RPTOR: variants seen among roughly 807,000 people sequenced by gnomAD.
The protein encoded by RPTOR is regulatory associated protein of MTOR complex 1.
RPTOR carries 21 observed loss-of-function variants against 169.9 expected under a neutral mutation model. The observed-to-expected ratio is 0.12, with a 90% CI of 0.09 to 0.18. The LOEUF is 0.18. Ranked by LOEUF, RPTOR falls within the 10% of genes least tolerant of loss-of-function variation. The probability of loss-of-function intolerance (pLI) is 1.00; values close to 1 mark genes in which losing one functional copy is unlikely to be tolerated. For missense variants in RPTOR, 1,133 were observed against 1,855.9 expected, an observed-to-expected ratio of 0.61 and a Z score of 7.16; for synonymous variants, 732 against 753.2, an observed-to-expected ratio of 0.97 and a Z score of 0.46.
At chr17:80,563,565 C>CAAAAAA (rs10649649) in intron 1 of RPTOR, among the ~76,000 whole-genome samples, 2 of 94,174 alleles carry the variant, frequency 2.1e-5, no homozygotes, top group Admixed American at 1.4e-4. Flanking sequence ...ACTAAGTCTC[C>CAAAAAA]AAAAAAAAAA....
Position 80,942,426 on chromosome 17 carries a change from T to C in RPTOR, c.3025+1825T>C, listed in dbSNP as rs569890055. ...GATTTCTAGACCAAAAAAAAGAATA[T>C]ATTTGTAAACCAGAGTTTGTCCAGA... is the stretch of plus-strand genomic sequence containing the variant. On this transcript the variant is annotated intron_variant, in intron 25 of 33. Coordinates refer to ENST00000306801, the MANE Select transcript of RPTOR (RefSeq NM_020761.3). Among the ~76,000 whole-genome samples the C allele has an allele frequency of 6.1e-4, 91 of 149,882 alleles. 2 individuals are homozygous for C. In the South Asian group the frequency reaches 0.019, roughly 31 times the overall value.
intron 13 of RPTOR, among the ~76,000 whole-genome samples, chr17:80,872,786 A>G (rs528366790): frequency 6.6e-6 from 1 of 152,302 alleles, no homozygotes; most frequent in Admixed American, 6.5e-5. Context: ...GGATGGGCAC[A>G]ACGGGGCCCT....
chr17:80,832,966 G>A lies in RPTOR; in HGVS notation c.1137-4956G>A, dbSNP rs554365558. ...GCATTTACACTTTGCTTCAGGCCGC[G>A]GCAGTAATGAATACTCAGAGCCGGC... On this transcript the variant is annotated intron_variant, in intron 9 of 33. Transcript: ENST00000306801. Among the ~76,000 whole-genome samples the A allele has an allele frequency of 2.9e-3, 445 of 152,304 alleles. 3 individuals are homozygous for A. Among genetic ancestry groups the A allele is most frequent in the African/African-American group, 0.01 (430 of 41,562 alleles).
chr17:80,727,084 G>A (rs1386203735), intron 4 of RPTOR, among the ~76,000 whole-genome samples: 1 of 151,798 alleles, frequency 6.6e-6, no homozygotes, highest in African/African-American at 2.4e-5. Context: ...CTCCGAGAAC[G>A]TGGACGCTGC....
chr17:80,740,733 C>T (rs2066475209), intron 5 of RPTOR, among the ~76,000 whole-genome samples: 1 of 151,928 alleles, frequency 6.6e-6, no homozygotes, highest in South Asian at 2.1e-4. Context: ...AAAAAAAAAA[C>T]TTTCAGTGAA....
Position 80,823,913 on chromosome 17 carries a change from A to G in RPTOR, c.1136+690A>G, listed in dbSNP as rs1226330888. Among the ~76,000 whole-genome samples, 2 of 152,276 alleles carry G rather than the reference A, an allele frequency of 1.3e-5. No individual in the cohort carries two copies. Among genetic ancestry groups the G allele is most frequent in the South Asian group, 2.1e-4 (1 of 4,836 alleles). ...AAACAAAGGAAAAATATTTCTGTTCATCAATGGGAGAAACCCTAACAACAC... is the reference window on the plus strand; with the variant it reads ...AAACAAAGGAAAAATATTTCTGTTCGTCAATGGGAGAAACCCTAACAACAC... On this transcript the variant is annotated intron_variant, in intron 9 of 33. Transcript: ENST00000306801. The surrounding 1 kb of genome is among the most constrained non-coding windows in gnomAD (Gnocchi z 4.5).
At chr17:80,567,448 A>G (rs2064856063) in intron 1 of RPTOR, among the ~76,000 whole-genome samples, 1 of 152,048 alleles carries the variant, frequency 6.6e-6, no homozygotes, top group South Asian at 2.1e-4. Flanking sequence ...TATCAATGTC[A>G]TACATTTTAT....
chr17:80,849,770 G>C (rs373542234), intron 11 of RPTOR, among the ~76,000 whole-genome samples: 1 of 152,110 alleles, frequency 6.6e-6, no homozygotes, highest in Non-Finnish European at 1.5e-5. Context: ...CACCCGCCTC[G>C]GCCTCCCAAA....
intron 4 of RPTOR, among the ~76,000 whole-genome samples, chr17:80,712,476 T>A (rs1000635021): frequency 6.6e-6 from 1 of 152,206 alleles, no homozygotes; most frequent in Non-Finnish European, 1.5e-5. Flanking sequence ...TTAAGACTCC[T>A]CCGTGTCTTT....
chr17:80,882,961 CAG>C, intron 14 of RPTOR, among the ~76,000 whole-genome samples: 1 of 152,322 alleles, frequency 6.6e-6, no homozygotes, highest in East Asian at 1.9e-4. Flanking sequence ...GAGGAAAGGA[CAG>C]AATGAAAATG....
chr17:80,850,125 G>A (rs561996216), intron 11 of RPTOR, among the ~76,000 whole-genome samples: 3 of 152,280 alleles, frequency 2.0e-5, no homozygotes, highest in East Asian at 3.9e-4. Context: ...CATGCACTGC[G>A]TAGTGGTGAA....
chr17:80,961,341 G>A, intron 30 of RPTOR, 53 bp from the exon 31 acceptor site: 1 of 1,494,698 alleles, frequency 6.7e-7, no homozygotes, highest in Non-Finnish European at 9.0e-7. Flanking sequence ...GCCCCGAAGG[G>A]TGGGGACGTC....
At chr17:80,858,059 G>A (rs986534612) in intron 13 of RPTOR, 159 bp downstream of exon 13, 26 of 635,292 alleles carry the variant, frequency 4.1e-5, no homozygotes, top group Admixed American at 1.2e-4. Flanking sequence ...GGACGCGCCC[G>A]CCTCGGCAGC....
At chr17:80,607,807 AT>A (rs1016906745) in intron 1 of RPTOR, among the ~76,000 whole-genome samples, 20 of 151,876 alleles carry the variant, frequency 1.3e-4, no homozygotes, top group Non-Finnish European at 2.8e-4. Context: ...ATGCTCCCCA[AT>A]TTTTTAAAGT....
At chr17:80,824,363 A>C (rs1034993591) in intron 9 of RPTOR, among the ~76,000 whole-genome samples, 1 of 152,166 alleles carries the variant, frequency 6.6e-6, no homozygotes, top group African/African-American at 2.4e-5. Context: ...CCGCACATTT[A>C]TTTTTCACGA....
At chr17:80,946,362 TTCTGAGTGCGCAGCCAG>T (rs1460331486) in intron 26 of RPTOR, among the ~76,000 whole-genome samples, 1 of 152,248 alleles carries the variant, frequency 6.6e-6, no homozygotes, top group Non-Finnish European at 1.5e-5. Context: ...ATTTTAACCG[TTCTGAGTGCGCAGCCAG>T]TGGCATTCAG....
intron 11 of RPTOR, 86 bp downstream of exon 11, chr17:80,846,660 C>G: frequency 9.1e-7 from 1 of 1,099,998 alleles, no homozygotes. Context: ...TGCCTTCTCT[C>G]TCCCTGAGCC....
intron 7 of RPTOR, among the ~76,000 whole-genome samples, chr17:80,812,925 G>A (rs902729284): frequency 1.3e-5 from 2 of 152,202 alleles, no homozygotes; most frequent in South Asian, 2.1e-4. Flanking sequence ...GTGAGGGTCC[G>A]CAGGCACAGA....
intron 6 of RPTOR, among the ~76,000 whole-genome samples, chr17:80,762,942 G>A (rs2143378812): frequency 6.6e-6 from 1 of 152,358 alleles, no homozygotes; most frequent in Non-Finnish European, 1.5e-5. Context: ...AGTTGTAACT[G>A]TAAACGAATT....
Sources: gnomAD v4.1 joint callset for allele counts (sites outside exome capture counted in the v4.1 genomes callset) on GRCh38, gnomAD v4.1.1 for gene constraint, Gnocchi (gnomAD v3.1) non-coding constraint, MANE v1.5 for transcripts, NCBI Gene and HGNC (gene_info 2026-07-23, HGNC 2026-07-21) for gene names.